The following MSR1 variants were observed in gnomAD, a reference collection of about 807,000 sequenced individuals.
MSR1 encodes the protein macrophage scavenger receptor 1.
A neutral mutation model predicts 47.2 loss-of-function variants in MSR1; 53 were observed. The observed-to-expected ratio is 1.12, with a 90% CI of 0.90 to 1.41. The LOEUF is 1.41. Ranked by LOEUF, MSR1 falls within the 40% of genes most tolerant of loss-of-function variation. MSR1 has a pLI of 0.00. For missense variants in MSR1, 786 were observed against 546.9 expected, an observed-to-expected ratio of 1.44 and a Z score of -4.36; for synonymous variants, 239 against 185.6, an observed-to-expected ratio of 1.29 and a Z score of -2.34.
chr8:16,177,771 T>C, intron 2 of MSR1, 115 bp downstream of exon 2: 1 of 804,318 alleles, frequency 1.2e-6, no homozygotes, highest in South Asian at 1.4e-5. Flanking sequence ...GTTGGTCAAA[T>C]AAGTATTATT....
At chr8:16,112,630 C>T (rs1056039425) in intron 9 of MSR1, among the ~76,000 whole-genome samples, 1 of 151,916 alleles carries the variant, frequency 6.6e-6, no homozygotes, top group Non-Finnish European at 1.5e-5. Context: ...AAATTTTATC[C>T]TTGTGTAAAC....
At position 16,140,777 on chromosome 8, in the gene MSR1, G is replaced by A. The variant is rs1800534777; in HGVS notation, c.1033+2781C>T. On this transcript the variant is annotated intron_variant, in intron 8 of 9. Coordinates refer to ENST00000262101, the MANE Select transcript of MSR1 (RefSeq NM_138715.3). Reference sequence around the variant, plus strand: ...GTGATAGGGGAGAGAGGTGATGGTGGAGTAATTGGAGTAAGAAGAGGTATG... The same window carrying A: ...GTGATAGGGGAGAGAGGTGATGGTGAAGTAATTGGAGTAAGAAGAGGTATG... The A allele has an allele frequency of 2.7e-6, 4 of 1,454,604 alleles. No homozygotes were observed. The South Asian group carries it at 4.3e-5, about 16-fold the overall frequency. 90.1% of individuals were successfully genotyped at this position (1,454,604 alleles called of 1,614,324 possible).
Position 16,110,006 on chromosome 8 carries a change from T to G in MSR1, c.*79A>C. The G allele has an allele frequency of 1.9e-6, 3 of 1,552,026 alleles. No homozygotes were observed. The highest frequency in any genetic ancestry group is 2.7e-6 in the Non-Finnish European group (3 of 1,128,414). ...TATTCTTAATCTCTTAAATATTGAT[T>G]AAATGGATTTTACAGGAACAAGGTA... On this transcript the variant is annotated 3_prime_UTR_variant, in exon 10 of 10. Coordinates refer to ENST00000262101, the MANE Select transcript of MSR1 (RefSeq NM_138715.3).
intron 8 of MSR1, among the ~76,000 whole-genome samples, chr8:16,124,871 C>G (rs1314872988): frequency 1.3e-5 from 2 of 151,650 alleles, no homozygotes; most frequent in African/African-American, 4.8e-5. Flanking sequence ...CTGCATTACC[C>G]AGTGAGATTA....
rs192211024 is a variant in MSR1, at chr8:16,130,189, C to G, written c.1034-9583G>C. Among the ~76,000 whole-genome samples, 282 of 152,242 alleles carry G rather than the reference C, an allele frequency of 1.9e-3. 1 individual carries two copies. The highest frequency in any genetic ancestry group is 6.6e-3 in the African/African-American group (274 of 41,538). The stretch of plus-strand genomic sequence containing the variant: ...AATTGATTTAAATCTCTATTTCAAA[C>G]GACACAACATACAGGTATATCCTGT... On this transcript the variant is annotated intron_variant, in intron 8 of 9. Transcript: ENST00000262101.
At chr8:16,176,255 C>A (rs1470755134) in intron 2 of MSR1, among the ~76,000 whole-genome samples, 13 of 151,928 alleles carry the variant, frequency 8.6e-5, no homozygotes, top group Admixed American at 5.2e-4. Flanking sequence ...GCCTGTAATC[C>A]CAGCACTTTG....
chr8:16,141,270 C>A (rs968387618), intron 8 of MSR1, among the ~76,000 whole-genome samples: 3 of 152,006 alleles, frequency 2.0e-5, no homozygotes, highest in African/African-American at 7.3e-5. Flanking sequence ...AACCTTTGAA[C>A]CATTGATTCT....
chr8:16,146,155 C>T (rs533434200), intron 7 of MSR1, among the ~76,000 whole-genome samples: 6 of 152,092 alleles, frequency 3.9e-5, no homozygotes, highest in Admixed American at 2.0e-4. Context: ...AGCTGTAGGC[C>T]GCCTTTCCAT....
intron 7 of MSR1, among the ~76,000 whole-genome samples, chr8:16,144,087 G>A (rs191951172): frequency 9.9e-5 from 15 of 152,188 alleles, no homozygotes; most frequent in African/African-American, 3.4e-4. Flanking sequence ...TACTCATGGG[G>A]AAGGTAGGAA....
intron 3 of MSR1, among the ~76,000 whole-genome samples, chr8:16,173,767 G>A (rs1052081705): frequency 4.6e-5 from 7 of 152,018 alleles, no homozygotes; most frequent in Non-Finnish European, 1.0e-4. Flanking sequence ...TCCTGGCTCA[G>A]CCTCCCGAGT....
chr8:16,145,144 C>A (rs1211067338), intron 7 of MSR1, among the ~76,000 whole-genome samples: 2 of 152,046 alleles, frequency 1.3e-5, no homozygotes, highest in African/African-American at 4.8e-5. Flanking sequence ...GTCATAATAT[C>A]AAATTTCTAA....
intron 7 of MSR1, among the ~76,000 whole-genome samples, chr8:16,149,092 A>T (rs1023124951): frequency 6.6e-6 from 1 of 152,118 alleles, no homozygotes; most frequent in African/African-American, 2.4e-5. Flanking sequence ...TCTGTCTAAT[A>T]CTGTAATGAT....
chr8:16,137,442 C>G (rs1800418722), intron 8 of MSR1, among the ~76,000 whole-genome samples: 1 of 152,060 alleles, frequency 6.6e-6, no homozygotes, highest in Non-Finnish European at 1.5e-5. Context: ...TTCTCTCTCT[C>G]TATCTATCTC....
intron 8 of MSR1, among the ~76,000 whole-genome samples, chr8:16,131,961 G>A (rs908419437): frequency 6.6e-6 from 1 of 150,430 alleles, no homozygotes; most frequent in African/African-American, 2.4e-5. Flanking sequence ...TTGGCTCTTT[G>A]GGCTCTTCTT....
In MSR1 at chr8:16,153,806, C is replaced by G. The variant is rs528704872; in HGVS notation, c.898+1258G>C. ...TGATAGACCCTTGACAATGGTAGTTCTGGCAGCAGATTTAATACTGGTTAT... is the reference window on the plus strand; with the variant it reads ...TGATAGACCCTTGACAATGGTAGTTGTGGCAGCAGATTTAATACTGGTTAT... On this transcript the variant is annotated intron_variant, in intron 6 of 9. Transcript: ENST00000262101. 1.6e-3 allele frequency among the ~76,000 whole-genome samples: 246 copies of G among 152,006 alleles called. 1 individual carries two copies. Among genetic ancestry groups the G allele is most frequent in the African/African-American group, 5.8e-3 (239 of 41,520 alleles).
intron 9 of MSR1, among the ~76,000 whole-genome samples, chr8:16,114,713 C>T (rs1563136887): frequency 1.3e-5 from 2 of 152,134 alleles, no homozygotes; most frequent in South Asian, 4.1e-4. Flanking sequence ...ATGCTTGAAA[C>T]TTTATTCCTA....
chr8:16,110,126 A>G lies in MSR1; in HGVS notation c.1315T>C (p.Cys439Arg). 1 of 1,613,740 alleles carries G rather than the reference A, an allele frequency of 6.2e-7. No individual in the cohort carries two copies. Among genetic ancestry groups the G allele is most frequent in the East Asian group, 2.2e-5 (1 of 44,850 alleles). ...CKIRQWGTRA[C>R]SHSEDAGVTC... The stretch of plus-strand genomic sequence containing the variant: ...ACTCCAGCATCTTCAGAATGTGAAC[A>G]GGCTCTTGTCCCCCATTGCCGAATT... Residue 439 changes from cysteine (C) to arginine (R), a missense_variant, in exon 10 of 10, where the codon TGT (cysteine) becomes CGT (arginine). By Grantham distance (180) the Cys-to-Arg change is radical. Coordinates refer to ENST00000262101, the MANE Select transcript of MSR1 (RefSeq NM_138715.3).
chr8:16,159,187 T>C (rs940024253), intron 5 of MSR1, among the ~76,000 whole-genome samples: 1 of 151,888 alleles, frequency 6.6e-6, no homozygotes, highest in Non-Finnish European at 1.5e-5. Flanking sequence ...TTTTCTCTAC[T>C]ATAAAAATCA....
At position 16,185,098 on chromosome 8, in the gene MSR1, G is replaced by A. The variant is rs186604028; in HGVS notation, c.-4-7106C>T. On this transcript the variant is annotated intron_variant, in intron 1 of 9. Transcript: ENST00000262101. ...GAAGTCTGTTTGCTTTCTGGGCAAT[G>A]TTCAAAAGGGATTGGTTTATCATGA... Among the ~76,000 whole-genome samples, 5 of 151,740 alleles carry A rather than the reference G, an allele frequency of 3.3e-5. No homozygotes were observed. In the East Asian group the frequency reaches 9.7e-4, roughly 29 times the overall value.
Sources: allele counts gnomAD v4.1 joint callset (sites outside exome capture counted in the v4.1 genomes callset), GRCh38; gene constraint gnomAD v4.1.1; transcripts MANE v1.5; gene names NCBI Gene and HGNC (gene_info 2026-07-23, HGNC 2026-07-21).